RBMS2: variants seen among roughly 807,000 people sequenced by gnomAD.
RBMS2 encodes the protein RNA-binding motif, single-stranded-interacting protein 2.
In RBMS2, 38 loss-of-function variants were observed where a neutral mutation model predicts 58.4. That is an observed-to-expected ratio of 0.65 (90% CI 0.50 to 0.85). The LOEUF is 0.85. Among genes scored for constraint, RBMS2 ranks in the 40% least tolerant of loss-of-function variants. The pLI, the probability that RBMS2 is intolerant of heterozygous loss-of-function variation, is 0.00. For missense variants in RBMS2, 367 were observed against 503.7 expected, an observed-to-expected ratio of 0.73 and a Z score of 2.60; for synonymous variants, 151 against 180.7, an observed-to-expected ratio of 0.84 and a Z score of 1.32.
At chr12:56,535,670 A>G (rs2136275728) in intron 1 of RBMS2, among the ~76,000 whole-genome samples, 1 of 152,124 alleles carries the variant, frequency 6.6e-6, no homozygotes, top group South Asian at 2.1e-4. Flanking sequence ...GACATTTCAA[A>G]CTTAACATAT....
chr12:56,557,243 C>T (rs1879395651), intron 1 of RBMS2, among the ~76,000 whole-genome samples: 1 of 152,126 alleles, frequency 6.6e-6, no homozygotes, highest in Admixed American at 6.6e-5. Context: ...TTCTCTCTTA[C>T]ATATTATAGG....
intron 1 of RBMS2, among the ~76,000 whole-genome samples, chr12:56,536,561 CT>C (rs1217193041): frequency 1.4e-3 from 209 of 146,240 alleles, no homozygotes; most frequent in Admixed American, 1.9e-3. Context: ...CTCCTTCTTT[CT>C]TTTTTTTTTT....
At chr12:56,550,606 C>A (rs934712307) in intron 1 of RBMS2, among the ~76,000 whole-genome samples, 1 of 151,824 alleles carries the variant, frequency 6.6e-6, no homozygotes, top group African/African-American at 2.4e-5. Context: ...CTTTGAGAGG[C>A]CGAGGTGGGT....
At chr12:56,559,667 C>T (rs1371940325) in intron 1 of RBMS2, among the ~76,000 whole-genome samples, 4 of 148,578 alleles carry the variant, frequency 2.7e-5, no homozygotes, top group Admixed American at 6.7e-5. Context: ...CTGGCTAACA[C>T]GGTGAAACTC....
intron 1 of RBMS2, among the ~76,000 whole-genome samples, chr12:56,540,617 T>TA (rs1450522160): frequency 6.6e-6 from 1 of 152,162 alleles, no homozygotes; most frequent in Non-Finnish European, 1.5e-5. Flanking sequence ...TGGCTTCAAG[T>TA]GATCCTCCCA....
chr12:56,525,582 G>C (rs1872526911), intron 1 of RBMS2, among the ~76,000 whole-genome samples: 1 of 152,038 alleles, frequency 6.6e-6, no homozygotes, highest in Admixed American at 6.6e-5. Flanking sequence ...GGAGGACAGT[G>C]CCATGATCTC....
chr12:56,521,322 C>T (rs1037804371), upstream of RBMS2, among the ~76,000 whole-genome samples: 1 of 150,948 alleles, frequency 6.6e-6, no homozygotes, highest in African/African-American at 2.4e-5. Flanking sequence ...CCCAGCTACT[C>T]GAGAGGCTGA....
In RBMS2 at chr12:56,569,842, G is replaced by T. The variant is rs920073172; in HGVS notation, c.293-57G>T. The stretch of plus-strand genomic sequence containing the variant: ...CTTCCTCTGTCTCCTGAAAAGCCTG[G>T]ACCTCTCTGTTCCTTACACCTCCCA... On this transcript the variant is annotated intron_variant, in intron 3 of 13. Transcript: ENST00000262031. The T allele has an allele frequency of 4.9e-6, 7 of 1,417,560 alleles. No individual in the cohort carries two copies. In the East Asian group the frequency reaches 9.1e-5, roughly 18 times the overall value. 87.8% of individuals were successfully genotyped at this position (1,417,560 alleles called of 1,614,324 possible). A position where few individuals can be genotyped will look rare whatever the true frequency, so the allele number is the denominator to read the frequency against.
At chr12:56,548,173 G>C (rs1877602082) in intron 1 of RBMS2, among the ~76,000 whole-genome samples, 1 of 152,016 alleles carries the variant, frequency 6.6e-6, no homozygotes, top group African/African-American at 2.4e-5. Context: ...GCTGGATGTG[G>C]TGGCTCACAC....
intron 4 of RBMS2, among the ~76,000 whole-genome samples, chr12:56,571,460 A>G (rs1315444790): frequency 1.3e-5 from 2 of 152,132 alleles, no homozygotes; most frequent in African/African-American, 2.4e-5. Context: ...GCCAAACACC[A>G]TTTATGACTT....
In RBMS2 at chr12:56,581,895, A is replaced by C. The variant is rs146530882; in HGVS notation, c.779+16A>C. On this transcript the variant is annotated intron_variant, in intron 8 of 13. Transcript: ENST00000262031. The stretch of plus-strand genomic sequence containing the variant: ...TTCAGAATGGGTAAGGTTTTATATA[A>C]TCAAGCCACCTGAAAATGATAATGG... The C allele has an allele frequency of 3.3e-5, 53 of 1,613,178 alleles. No homozygotes were observed. In the East Asian group the frequency reaches 1.1e-3, roughly 35 times the overall value.
chr12:56,581,312 A>G (rs1234152819), intron 6 of RBMS2, 49 bp downstream of exon 6: 1 of 1,585,972 alleles, frequency 6.3e-7, no homozygotes, highest in Non-Finnish European at 8.7e-7. Flanking sequence ...TGTTACTTCC[A>G]GTGAAGATTC....
chr12:56,535,355 C>A (rs367830712), intron 1 of RBMS2, among the ~76,000 whole-genome samples: 1 of 151,798 alleles, frequency 6.6e-6, no homozygotes. Flanking sequence ...ATTAGCCAGG[C>A]GTGGTGGTGC....
chr12:56,573,268 G>A (rs1882596816), intron 5 of RBMS2: 1 of 823,182 alleles, frequency 1.2e-6, no homozygotes, highest in Non-Finnish European at 1.5e-6. Context: ...CCTGAGGTCA[G>A]GAGTTTGAGA....
At position 56,592,282 on chromosome 12, in the gene RBMS2, C is replaced by T. The variant is rs1185431245; in HGVS notation, c.*3149C>T. 1 of 152,172 alleles carries T rather than the reference C, an allele frequency of 6.6e-6. No individual in the cohort carries two copies. The highest frequency in any genetic ancestry group is 1.9e-4 in the East Asian group (1 of 5,186). 9.4% of individuals were successfully genotyped at this position (152,172 alleles called of 1,614,324 possible). The stretch of plus-strand genomic sequence containing the variant: ...ATAACATTCTTAAAATATTTTAGTA[C>T]TTGGCATTTTTCTGTTTTCAGTCAG... On this transcript the variant is annotated 3_prime_UTR_variant, in exon 14 of 14. Coordinates refer to ENST00000262031, the MANE Select transcript of RBMS2 (RefSeq NM_002898.4).
chr12:56,526,239 G>A (rs184890247), intron 1 of RBMS2, among the ~76,000 whole-genome samples: 92 of 152,022 alleles, frequency 6.1e-4, no homozygotes, highest in African/African-American at 2.1e-3. Flanking sequence ...CCCAGGAGGT[G>A]GATGTTGCAG....
chr12:56,534,921 G>T (rs151217092), intron 1 of RBMS2, among the ~76,000 whole-genome samples: 2 of 152,160 alleles, frequency 1.3e-5, no homozygotes, highest in African/African-American at 4.8e-5. Context: ...GATTACAGGC[G>T]TGAGACACGG....
At chr12:56,578,010 A>G (rs1222752121) in intron 5 of RBMS2, among the ~76,000 whole-genome samples, 1 of 151,908 alleles carries the variant, frequency 6.6e-6, no homozygotes, top group Non-Finnish European at 1.5e-5. Context: ...TTTTTTGTAG[A>G]GTTGGAGTCT....
rs112462490 is a variant in RBMS2, at chr12:56,596,146, C to T, written c.*7013C>T. ...TTATCAAAAAGTCACTAAAACACCA[C>T]ATTTGGTTATATAAAAAGTCCCTTT... On this transcript the variant is annotated 3_prime_UTR_variant, in exon 14 of 14. Coordinates refer to ENST00000262031, the MANE Select transcript of RBMS2 (RefSeq NM_002898.4). 17 of 152,740 alleles carry T rather than the reference C, an allele frequency of 1.1e-4. No individual in the cohort carries two copies. Among genetic ancestry groups the T allele is most frequent in the African/African-American group, 4.1e-4 (17 of 41,502 alleles). The allele number at this position is 152,740 out of a possible 1,614,324, so 9.5% of individuals were successfully genotyped here. A position where few individuals can be genotyped will look rare whatever the true frequency, so the allele number is the denominator to read the frequency against.
Sources: gnomAD v4.1 joint callset for allele counts (sites outside exome capture counted in the v4.1 genomes callset) on GRCh38, gnomAD v4.1.1 for gene constraint, MANE v1.5 for transcripts, NCBI Gene and HGNC (gene_info 2026-07-23, HGNC 2026-07-21) for gene names.